The following THSD4 variants were observed in gnomAD, a reference collection of about 807,000 sequenced individuals.
The protein encoded by THSD4 is thrombospondin type 1 domain containing 4, also known as thrombospondin type-1 domain-containing protein 4.
THSD4 carries 69 observed loss-of-function variants against 119.0 expected under a neutral mutation model. That is an observed-to-expected ratio of 0.58 (90% CI 0.48 to 0.71). THSD4 has a LOEUF of 0.71. Among genes scored for constraint, THSD4 ranks in the 30% least tolerant of loss-of-function variants. The pLI is 0.00. For missense variants in THSD4, 1,393 were observed against 1,391.1 expected, an observed-to-expected ratio of 1.00 and a Z score of -0.02; for synonymous variants, 524 against 540.4, an observed-to-expected ratio of 0.97 and a Z score of 0.42.
At chr15:71,621,919 G>C (rs1414592307) in intron 7 of THSD4, among the ~76,000 whole-genome samples, 2 of 152,186 alleles carry the variant, frequency 1.3e-5, no homozygotes, top group African/African-American at 2.4e-5. Context: ...CTTGTTGCTT[G>C]ATTTATCAAG....
intron 8 of THSD4, among the ~76,000 whole-genome samples, chr15:71,664,779 T>G (rs1377356242): frequency 1.3e-5 from 2 of 152,204 alleles, no homozygotes; most frequent in African/African-American, 2.4e-5. Flanking sequence ...GTTTTCTAAG[T>G]ATAATGATCT....
intron 15 of THSD4, among the ~76,000 whole-genome samples, chr15:71,762,305 T>C (rs1041169010): frequency 1.3e-5 from 2 of 152,200 alleles, no homozygotes; most frequent in Non-Finnish European, 2.9e-5. Flanking sequence ...ACACAATCTC[T>C]TCAAGGACTT....
intron 8 of THSD4, among the ~76,000 whole-genome samples, chr15:71,677,872 A>C (rs984120024): frequency 4.6e-5 from 7 of 152,192 alleles, no homozygotes; most frequent in African/African-American, 1.4e-4. Context: ...CCTACACTTA[A>C]TGTGATACTT....
At chr15:71,729,124 C>T (rs1045432346) in intron 9 of THSD4, 7 of 226,112 alleles carry the variant, frequency 3.1e-5, no homozygotes, top group East Asian at 1.0e-4. Context: ...AAGGCAGGAC[C>T]GCTCCCAGCT....
intron 3 of THSD4, among the ~76,000 whole-genome samples, chr15:71,208,524 T>TA (rs397948753): frequency 2.0e-5 from 3 of 151,806 alleles, no homozygotes; most frequent in African/African-American, 7.2e-5. Context: ...TATTTTTTTT[T>TA]ATTTTGAGAT....
chr15:71,313,302 A>G (rs908264992), intron 6 of THSD4, among the ~76,000 whole-genome samples: 3 of 152,186 alleles, frequency 2.0e-5, no homozygotes, highest in Non-Finnish European at 2.9e-5. Flanking sequence ...ATGTGCTCAC[A>G]TATGTGTGTG....
At chr15:71,763,554 AT>A (rs10647138) in intron 15 of THSD4, among the ~76,000 whole-genome samples, 84 of 144,808 alleles carry the variant, frequency 5.8e-4, no homozygotes, top group Non-Finnish European at 6.4e-4. Context: ...CTAAAAACAA[AT>A]TTTTTTTTTT....
intron 7 of THSD4, among the ~76,000 whole-genome samples, chr15:71,538,372 T>C (rs1227406563): frequency 1.3e-5 from 2 of 152,226 alleles, no homozygotes; most frequent in African/African-American, 4.8e-5. Context: ...TGATTTGAAG[T>C]GACTCATTGA....
At chr15:71,161,921 T>C (rs1197146767) in intron 3 of THSD4, among the ~76,000 whole-genome samples, 1 of 152,026 alleles carries the variant, frequency 6.6e-6, no homozygotes, top group African/African-American at 2.4e-5. Flanking sequence ...TTTCTTTCTT[T>C]GTGGTTACCA....
At chr15:71,647,490 A>G (rs2050993730) in intron 7 of THSD4, among the ~76,000 whole-genome samples, 1 of 152,238 alleles carries the variant, frequency 6.6e-6, no homozygotes, top group Admixed American at 6.5e-5. Flanking sequence ...TTATTTCCTA[A>G]TGAAATATTC....
chr15:71,565,947 GT>G (rs1453324099), intron 7 of THSD4, among the ~76,000 whole-genome samples: 2 of 152,098 alleles, frequency 1.3e-5, no homozygotes, highest in African/African-American at 4.8e-5. Context: ...TGAAGGACTT[GT>G]TTCTCTGCTT....
At chr15:71,263,074 C>T (rs112778859) in intron 6 of THSD4, among the ~76,000 whole-genome samples, 3,399 of 151,920 alleles carry the variant, frequency 0.022, 53 homozygotes, top group African/African-American at 0.046. Context: ...AGTTATTCAG[C>T]TTAGTAATCC....
chr15:71,552,796 G>A lies in THSD4; in HGVS notation c.1153-107734G>A, dbSNP rs138442802. ...CGAGTAGCTGGGATTACAGGTGCCC[G>A]CCACCATGCTGGCTAATTTTTGTAT... On this transcript the variant is annotated intron_variant, in intron 7 of 17. Coordinates refer to ENST00000261862, the MANE Select transcript of THSD4 (RefSeq NM_024817.3). 3.3e-3 allele frequency among the ~76,000 whole-genome samples: 502 copies of A among 152,182 alleles called. 6 individuals are homozygous for A. The highest frequency in any genetic ancestry group is 0.011 in the African/African-American group (472 of 41,524).
At chr15:71,662,399 A>G (rs1567088222) in intron 8 of THSD4, among the ~76,000 whole-genome samples, 1 of 152,142 alleles carries the variant, frequency 6.6e-6, no homozygotes, top group Non-Finnish European at 1.5e-5. Flanking sequence ...AGTGCTTTGT[A>G]TATTCTTTTT....
intron 10 of THSD4, chr15:71,732,311 G>A (rs2052996047): frequency 6.6e-6 from 1 of 152,122 alleles, no homozygotes; most frequent in African/African-American, 2.4e-5. Flanking sequence ...TGACCTATAA[G>A]ACAAGAATAA....
At chr15:71,553,307 G>A (rs571969543) in intron 7 of THSD4, among the ~76,000 whole-genome samples, 19 of 149,790 alleles carry the variant, frequency 1.3e-4, no homozygotes, top group Admixed American at 8.1e-4. Context: ...GAATGTGAAC[G>A]TTCCTGTCTT....
At chr15:71,303,746 G>A (rs571569236) in intron 6 of THSD4, among the ~76,000 whole-genome samples, 7 of 152,126 alleles carry the variant, frequency 4.6e-5, no homozygotes, top group Non-Finnish European at 1.0e-4. Context: ...TTCCTGGTGC[G>A]CTGGATTAGT....
intron 6 of THSD4, among the ~76,000 whole-genome samples, chr15:71,370,435 C>T (rs964509792): frequency 6.6e-6 from 1 of 152,162 alleles, no homozygotes; most frequent in African/African-American, 2.4e-5. Flanking sequence ...ATAAATTTCC[C>T]TCTACATACT....
rs146586824 is a variant in THSD4 at position 71,416,691 on chromosome 15, G to A, written c.1152+4868G>A. On this transcript the variant is annotated intron_variant, in intron 7 of 17. Transcript: ENST00000261862. ...TTGCCCATTTTATTTATTTTATTTT[G>A]TTTCATTTTATTTTATTTTATTTTG... is the stretch of plus-strand genomic sequence containing the variant. 9.4e-3 allele frequency among the ~76,000 whole-genome samples: 929 copies of A among 99,016 alleles called. 254 individuals are homozygous for A. The highest frequency in any genetic ancestry group is 0.034 in the African/African-American group (888 of 26,316). The allele number at this position is 99,016 out of a possible 152,430, so 65.0% of individuals were successfully genotyped here.
Sources: allele counts gnomAD v4.1 joint callset (sites outside exome capture counted in the v4.1 genomes callset), GRCh38; gene constraint gnomAD v4.1.1; transcripts MANE v1.5; gene names NCBI Gene and HGNC (gene_info 2026-07-23, HGNC 2026-07-21).